The following HHLA2 variants were observed in gnomAD, a reference collection of about 807,000 sequenced individuals.
The protein encoded by HHLA2 is HHLA2 member of B7 family, also known as HERV-H LTR-associating protein 2.
HHLA2 carries 48 observed loss-of-function variants against 45.9 expected under a neutral mutation model. The ratio of observed to expected loss-of-function variants is 1.05; its 90% CI spans 0.83 to 1.33. HHLA2 has a LOEUF of 1.33. Ranked by LOEUF, HHLA2 falls within the 40% of genes most tolerant of loss-of-function variation. The pLI is 0.00. For synonymous variants in HHLA2, 161 were observed against 173.9 expected, an observed-to-expected ratio of 0.93 and a Z score of 0.59; for missense variants, 462 against 494.3, an observed-to-expected ratio of 0.93 and a Z score of 0.62.
intron 4 of HHLA2, among the ~76,000 whole-genome samples, chr3:108,352,638 G>A (rs1279374736): frequency 6.6e-6 from 1 of 152,224 alleles, no homozygotes; most frequent in African/African-American, 2.4e-5. Flanking sequence ...GATAGGAAGT[G>A]TCTGGGTATA....
exon 9 of HHLA2, chr3:108,375,789 G>A (rs867293847): frequency 1.2e-6 from 2 of 1,610,834 alleles, no homozygotes; most frequent in Non-Finnish European, 1.7e-6. Flanking sequence ...CCTGCTGATG[G>A]AGCCCAACAA....
chr3:108,331,903 C>T (rs2081392674), intron 3 of HHLA2, among the ~76,000 whole-genome samples: 1 of 152,124 alleles, frequency 6.6e-6, no homozygotes. Flanking sequence ...AAAACACTCT[C>T]ATGCTTTTGA....
intron 6 of HHLA2, among the ~76,000 whole-genome samples, chr3:108,356,339 T>C (rs1291622719): frequency 6.6e-6 from 1 of 152,168 alleles, no homozygotes; most frequent in Non-Finnish European, 1.5e-5. Flanking sequence ...CTGTTTTTCA[T>C]TTTATTAGTA....
At chr3:108,344,087 A>T (rs2081621823) in intron 3 of HHLA2, among the ~76,000 whole-genome samples, 1 of 152,148 alleles carries the variant, frequency 6.6e-6, no homozygotes, top group Non-Finnish European at 1.5e-5. Flanking sequence ...AGTTATTCAA[A>T]TTATACACTT....
intron 8 of HHLA2, among the ~76,000 whole-genome samples, chr3:108,369,494 T>G (rs2082128337): frequency 6.6e-6 from 1 of 152,134 alleles, no homozygotes; most frequent in South Asian, 2.1e-4. Flanking sequence ...GCACCATGTG[T>G]GAGCCAAAGC....
chr3:108,369,514 C>T (rs556647513), intron 8 of HHLA2, among the ~76,000 whole-genome samples: 204 of 152,324 alleles, frequency 1.3e-3, no homozygotes, highest in African/African-American at 4.5e-3. Context: ...CAGGGTGAGG[C>T]ATCACCTCAC....
At chr3:108,323,415 A>C (rs1168275637) in intron 2 of HHLA2, among the ~76,000 whole-genome samples, 1 of 152,140 alleles carries the variant, frequency 6.6e-6, no homozygotes, top group African/African-American at 2.4e-5. Flanking sequence ...TGTACCCATA[A>C]AAATTTAAAA....
chr3:108,334,264 T>C lies in HHLA2; in HGVS notation c.-27+5917T>C, dbSNP rs76418480. Among the ~76,000 whole-genome samples, 1,020 of 152,306 alleles carry C rather than the reference T, an allele frequency of 6.7e-3. 8 individuals are homozygous for C. The highest frequency in any genetic ancestry group is 0.023 in the African/African-American group (951 of 41,564). On this transcript the variant is annotated intron_variant, in intron 3 of 10. Transcript: ENST00000619531. ...AAACATGGAATCTTTGGGAACCAAA[T>C]TGATGAGCCAGCTTTTAAGGTCTGT...
At chr3:108,328,486 A>T in intron 3 of HHLA2, 1 of 612,344 alleles carries the variant, frequency 1.6e-6, no homozygotes, top group Non-Finnish European at 2.7e-6. Context: ...TTTGGAGGTG[A>T]ATATTATTAT....
intron 2 of HHLA2, among the ~76,000 whole-genome samples, chr3:108,312,725 T>A (rs1055173733): frequency 6.6e-6 from 1 of 152,220 alleles, no homozygotes; most frequent in Non-Finnish European, 1.5e-5. Flanking sequence ...GCTTCTTCCC[T>A]TTCTCTGTCC....
At position 108,358,166 on chromosome 3, in the gene HHLA2, G is replaced by C; in HGVS notation, c.1003+5G>C. ...CCATCCACACAGTGCATGTAGGTAA[G>C]TTGCAAGTAGGTTTGGATAATGGGT... is the stretch of plus-strand genomic sequence containing the variant. On this transcript the variant is annotated splice_donor_5th_base_variant and intron_variant, in intron 7 of 10. Transcript: ENST00000619531. 1.3e-6 allele frequency: 2 copies of C among 1,589,676 alleles called. No homozygotes were observed. Among genetic ancestry groups the C allele is most frequent in the Middle Eastern group, 1.7e-4 (1 of 5,970 alleles).
chr3:108,308,871 A>T (rs1180109801), intron 1 of HHLA2, among the ~76,000 whole-genome samples: 1 of 152,062 alleles, frequency 6.6e-6, no homozygotes, highest in Non-Finnish European at 1.5e-5. Context: ...ATTTTTTCCT[A>T]TAGAGTTATT....
chr3:108,344,456 A>T (rs186013998), intron 3 of HHLA2, among the ~76,000 whole-genome samples: 17 of 152,274 alleles, frequency 1.1e-4, no homozygotes, highest in African/African-American at 3.9e-4. Context: ...TCAATTAGTC[A>T]TTGAAGATAG....
chr3:108,303,207 A>G (rs2080877552), intron 1 of HHLA2, among the ~76,000 whole-genome samples: 1 of 152,156 alleles, frequency 6.6e-6, no homozygotes, highest in African/African-American at 2.4e-5. Context: ...CCTTGATTTG[A>G]TGAGTTCTTG....
At chr3:108,332,786 A>G (rs1055101634) in intron 3 of HHLA2, among the ~76,000 whole-genome samples, 2 of 152,126 alleles carry the variant, frequency 1.3e-5, no homozygotes, top group African/African-American at 2.4e-5. Flanking sequence ...CTGGGTTTTG[A>G]TGTTGCTTCT....
exon 7 of HHLA2, chr3:108,357,915 A>G: frequency 6.2e-7 from 1 of 1,613,858 alleles, no homozygotes; most frequent in African/African-American, 1.3e-5. Flanking sequence ...TTTTTCACCA[A>G]ACCAAGACTT....
At chr3:108,375,491 A>G (rs6781169) in intron 8 of HHLA2, among the ~76,000 whole-genome samples, 3,531 of 151,442 alleles carry the variant, frequency 0.023, 117 homozygotes, top group African/African-American at 0.082. Context: ...ATAATACAAA[A>G]TAAATAAAAA....
At chr3:108,355,498 CG>C in intron 6 of HHLA2, 117 bp downstream of exon 5, 1 of 1,203,576 alleles carries the variant, frequency 8.3e-7, no homozygotes, top group Non-Finnish European at 1.2e-6. Context: ...CCATCTGCAG[CG>C]GTTAGAAGAC....
At chr3:108,330,819 A>C (rs1330875616) in intron 3 of HHLA2, among the ~76,000 whole-genome samples, 3 of 152,210 alleles carry the variant, frequency 2.0e-5, no homozygotes, top group African/African-American at 7.2e-5. Context: ...CCTAACCCAC[A>C]GAGATAGTAA....
Sources: gnomAD v4.1 joint callset for allele counts (sites outside exome capture counted in the v4.1 genomes callset) on GRCh38, gnomAD v4.1.1 for gene constraint, MANE v1.5 for transcripts, NCBI Gene and HGNC (gene_info 2026-07-23, HGNC 2026-07-21) for gene names.